Variants in SOX5 observed in about 807,000 individuals in gnomAD.
SOX5 encodes the protein SRY-box transcription factor 5.
A neutral mutation model predicts 92.0 loss-of-function variants in SOX5; 9 were observed. The ratio of observed to expected loss-of-function variants is 0.10; its 90% confidence interval spans 0.06 to 0.17. SOX5 has a LOEUF of 0.17. Among genes scored for constraint, SOX5 ranks in the 10% least tolerant of loss-of-function variants. SOX5 has a pLI of 1.00. For missense variants in SOX5, 642 were observed against 944.5 expected, an observed-to-expected ratio of 0.68 and a Z score of 4.20; for synonymous variants, 344 against 336.3, an observed-to-expected ratio of 1.02 and a Z score of -0.25.
intron 3 of SOX5, among the ~76,000 whole-genome samples, chr12:23,834,053 G>A (rs181337235): frequency 6.6e-6 from 1 of 152,044 alleles, no homozygotes; most frequent in East Asian, 1.9e-4. Context: ...CAATAATAAT[G>A]TGGTAAGAAC....
At chr12:24,468,288 A>G (rs1944434881) in intron 1 of SOX5, among the ~76,000 whole-genome samples, 1 of 152,230 alleles carries the variant, frequency 6.6e-6, no homozygotes, top group South Asian at 2.1e-4. Context: ...TGGATAAGTT[A>G]TTTAATCTCT....
chr12:23,551,974 TTTCTTAA>T (rs1306939614), intron 11 of SOX5, among the ~76,000 whole-genome samples: 1 of 151,896 alleles, frequency 6.6e-6, no homozygotes, highest in Admixed American at 6.6e-5. Flanking sequence ...CAGATCAAGT[TTTCTTAA>T]GAAGTACTAC....
intron 2 of SOX5, among the ~76,000 whole-genome samples, chr12:23,862,575 G>A (rs2096767582): frequency 1.3e-5 from 2 of 152,184 alleles, no homozygotes; most frequent in Admixed American, 6.5e-5. Context: ...AAACATGACT[G>A]TTCTGTCTCT....
intron 2 of SOX5, among the ~76,000 whole-genome samples, chr12:24,324,085 G>A (rs1160244949): frequency 6.6e-6 from 1 of 152,152 alleles, no homozygotes; most frequent in East Asian, 1.9e-4. Flanking sequence ...CTGCTAAGAA[G>A]TAGAAAGGAA....
At chr12:24,367,329 C>T (rs770442446) in intron 2 of SOX5, among the ~76,000 whole-genome samples, 3 of 152,124 alleles carry the variant, frequency 2.0e-5, no homozygotes, top group African/African-American at 4.8e-5. Flanking sequence ...AAATGCCACG[C>T]TATTCAAAAA....
intron 1 of SOX5, among the ~76,000 whole-genome samples, chr12:23,925,080 AAATAT>A (rs1253931895): frequency 1.9e-4 from 29 of 152,108 alleles, no homozygotes; most frequent in Admixed American, 1.8e-3. Flanking sequence ...AAATTATCAC[AAATAT>A]ATTACCATAG....
chr12:23,555,483 GA>G (rs58190917), intron 11 of SOX5, among the ~76,000 whole-genome samples: 1,818 of 142,754 alleles, frequency 0.013, 28 homozygotes, highest in African/African-American at 0.042. Flanking sequence ...AAGTTTACTG[GA>G]AAAAAAAAAA....
chr12:23,912,035 A>T (rs1213414560), intron 1 of SOX5, among the ~76,000 whole-genome samples: 1 of 152,148 alleles, frequency 6.6e-6, no homozygotes, highest in African/African-American at 2.4e-5. Flanking sequence ...GGGAGAAAAT[A>T]CTTGCAAATA....
intron 3 of SOX5, among the ~76,000 whole-genome samples, chr12:24,258,860 T>G (rs781280123): frequency 6.6e-6 from 1 of 152,214 alleles, no homozygotes; most frequent in Non-Finnish European, 1.5e-5. Context: ...TTATCTCAAT[T>G]TTAGAGATGG....
chr12:23,849,414 A>G (rs545357959), intron 2 of SOX5, among the ~76,000 whole-genome samples: 1 of 152,352 alleles, frequency 6.6e-6, no homozygotes, highest in South Asian at 2.1e-4. Context: ...AAGCCTGATT[A>G]TAATTTCCAT....
intron 4 of SOX5, among the ~76,000 whole-genome samples, chr12:24,166,049 G>T (rs1953368848): frequency 6.6e-6 from 1 of 152,088 alleles, no homozygotes; most frequent in South Asian, 2.1e-4. Context: ...ATGAACTGGG[G>T]TAGTGGAAGA....
chr12:23,764,773 A>T (rs1567579604), intron 3 of SOX5, among the ~76,000 whole-genome samples: 2 of 152,122 alleles, frequency 1.3e-5, no homozygotes, highest in African/African-American at 4.8e-5. Flanking sequence ...AAACCATTTA[A>T]CATACATTAG....
intron 4 of SOX5, among the ~76,000 whole-genome samples, chr12:24,065,825 C>T (rs1376801668): frequency 6.6e-6 from 1 of 152,084 alleles, no homozygotes. Context: ...ATATCCCTGT[C>T]TTATCTCACT....
chr12:23,850,887 T>C (rs2096626323), intron 2 of SOX5, among the ~76,000 whole-genome samples: 1 of 152,108 alleles, frequency 6.6e-6, no homozygotes, highest in Non-Finnish European at 1.5e-5. Context: ...TTTCATATAG[T>C]TTTACAGAGT....
At chr12:23,693,141 G>A (rs2089190872) in intron 6 of SOX5, among the ~76,000 whole-genome samples, 1 of 151,924 alleles carries the variant, frequency 6.6e-6, no homozygotes, top group Non-Finnish European at 1.5e-5. Flanking sequence ...TGTTGTTGTT[G>A]AGACAGAGTC....
At chr12:24,008,316 T>C (rs1290456468) in intron 4 of SOX5, among the ~76,000 whole-genome samples, 1 of 152,164 alleles carries the variant, frequency 6.6e-6, no homozygotes, top group Non-Finnish European at 1.5e-5. Flanking sequence ...ATAAAAGCAT[T>C]CTACAATGGG....
intron 1 of SOX5, among the ~76,000 whole-genome samples, chr12:23,922,482 G>T (rs184128976): frequency 1.4e-4 from 21 of 152,222 alleles, no homozygotes; most frequent in Admixed American, 1.1e-3. Context: ...TGAGTACAAA[G>T]AAAAGAACAG....
At chr12:24,501,902 GAA>G (rs1035356879) in intron 1 of SOX5, among the ~76,000 whole-genome samples, 2 of 152,096 alleles carry the variant, frequency 1.3e-5, no homozygotes, top group Non-Finnish European at 2.9e-5. Context: ...TGGAAAAAAA[GAA>G]AGAAATTAAT....
chr12:23,732,197 A>C (rs1567303163), intron 6 of SOX5, among the ~76,000 whole-genome samples: 2 of 151,962 alleles, frequency 1.3e-5, no homozygotes, highest in Admixed American at 6.6e-5. Flanking sequence ...CAGTAGGAAG[A>C]AGGAGAAAAG....
Sources: allele counts gnomAD v4.1 joint callset (sites outside exome capture counted in the v4.1 genomes callset), GRCh38; gene constraint gnomAD v4.1.1; transcripts MANE v1.5; gene names NCBI Gene and HGNC (gene_info 2026-07-23, HGNC 2026-07-21).